TTLL6: variants seen among roughly 807,000 people sequenced by gnomAD.
The protein encoded by TTLL6 is tubulin tyrosine ligase like 6, also known as tubulin polyglutamylase TTLL6.
Under a neutral mutation model 96.4 loss-of-function variants are expected in TTLL6, and 75 were observed. The ratio of observed to expected loss-of-function variants is 0.78; its 90% CI spans 0.65 to 0.94. TTLL6 has a LOEUF of 0.94. Ranked by LOEUF, TTLL6 falls within the 40% of genes least tolerant of loss-of-function variation. TTLL6 has a pLI of 0.00. For missense variants in TTLL6, 1,030 were observed against 1,093.0 expected (o/e 0.94, Z 0.81); for synonymous variants, 411 against 419.4 (o/e 0.98, Z 0.24).
At chr17:48,805,128 C>T (rs2039487966) in intron 1 of TTLL6, 137 bp from the exon 2 acceptor site, 2 of 697,368 alleles carry the variant, frequency 2.9e-6, no homozygotes, top group Non-Finnish European at 4.8e-6. Context: ...ACCCGGCCTC[C>T]GCGGTTTGAT....
At chr17:48,789,116 T>TA (rs5820726) in intron 10 of TTLL6, among the ~76,000 whole-genome samples, 1,774 of 145,632 alleles carry the variant, frequency 0.012, 17 homozygotes, top group African/African-American at 0.022. Context: ...TTCTTTATAG[T>TA]AAAAAAAAAA....
In TTLL6 at chr17:48,789,290, A is replaced by G. The variant is rs1409988797; in HGVS notation, c.1400+641T>C. ...CTATTCAAACTGCTACATTCTGCCA[A>G]TATAAACTCATTTTCCAAATGGGAT... On this transcript the variant is annotated intron_variant, in intron 10 of 15. Coordinates refer to ENST00000393382, the MANE Select transcript of TTLL6 (RefSeq NM_001130918.3). Among the ~76,000 whole-genome samples, 4 of 152,206 alleles carry G rather than the reference A, an allele frequency of 2.6e-5. No homozygotes were observed. The East Asian group carries it at 7.7e-4, about 29-fold the overall frequency.
intron 8 of TTLL6, among the ~76,000 whole-genome samples, chr17:48,791,968 G>C (rs895740822): frequency 1.3e-5 from 2 of 152,166 alleles, no homozygotes; most frequent in African/African-American, 4.8e-5. Context: ...CTCAGCCTTT[G>C]GTGTTCATTA....
chr17:48,803,353 G>A (rs769674722), intron 3 of TTLL6, among the ~76,000 whole-genome samples: 1 of 151,766 alleles, frequency 6.6e-6, no homozygotes, highest in Non-Finnish European at 1.5e-5. Flanking sequence ...AAATTTAGCC[G>A]GGCATGGTGG....
rs1597987839 is a variant in TTLL6 at position 48,794,287 on chromosome 17, A to G, written c.998+1774T>C. On this transcript the variant is annotated intron_variant, in intron 8 of 15. Transcript: ENST00000393382. ...TTGGGGTGCCAATTCTCATTGGAGG[A>G]GGAAAATGAGAACCTTTCCATTCTG... is the stretch of plus-strand genomic sequence containing the variant. The G allele has an allele frequency of 5.0e-5, 81 of 1,613,438 alleles. No homozygotes were observed. The East Asian group carries it at 1.8e-3, about 36-fold the overall frequency.
rs1567713564 is a variant in TTLL6 at position 48,769,008 on chromosome 17, TTTTGGCCAGAGA to T, written c.2645_2656del (p.Ile882_Gln885del). The T allele has an allele frequency of 2.5e-6, 4 of 1,614,090 alleles. No individual in the cohort carries two copies. Among genetic ancestry groups the T allele is most frequent in the Non-Finnish European group, 3.4e-6 (4 of 1,179,950 alleles). ...GCCTACCTAGCTCCTCTCACATCCT[TTTTGGCCAGAGA>T]TCAGGCAATGGCTGTATGCTTCTTG... On this transcript the variant is annotated inframe_deletion, in exon 15 of 16. Transcript: ENST00000393382.
chr17:48,799,959 TG>T, intron 5 of TTLL6, 199 bp from the exon 6 acceptor site: 1 of 577,256 alleles, frequency 1.7e-6, no homozygotes, highest in Non-Finnish European at 3.1e-6. Context: ...AATTCAGGCC[TG>T]GGTTGAAGCC....
At chr17:48,795,778 A>G (rs1328528708) in intron 8 of TTLL6, among the ~76,000 whole-genome samples, 2 of 152,156 alleles carry the variant, frequency 1.3e-5, no homozygotes, top group Non-Finnish European at 2.9e-5. Flanking sequence ...TAATAAGGGT[A>G]TGTTTTGGTG....
chr17:48,783,154 G>A lies in TTLL6; in HGVS notation c.2040+1769C>T, dbSNP rs559851263. The stretch of plus-strand genomic sequence containing the variant: ...TGTGTGTGGGAGGTGGGGCGGGGGT[G>A]ATGGATTGTGAAATAAAGTGGATTT... On this transcript the variant is annotated intron_variant, in intron 13 of 15. Coordinates refer to ENST00000393382, the MANE Select transcript of TTLL6 (RefSeq NM_001130918.3). 2.6e-5 allele frequency among the ~76,000 whole-genome samples: 4 copies of A among 152,280 alleles called. No individual in the cohort carries two copies. The South Asian group carries it at 8.3e-4, about 32-fold the overall frequency.
rs1181180217 is a variant in TTLL6, at chr17:48,797,273, C to T, written c.769-69G>A. On this transcript the variant is annotated intron_variant, in intron 6 of 15. Coordinates refer to ENST00000393382, the MANE Select transcript of TTLL6 (RefSeq NM_001130918.3). ...TTTACACTTGAAAATCACTAGCTCCCGCCTTGTTTCCATGGAGTTGGCTCC... is the reference window on the plus strand; with the variant it reads ...TTTACACTTGAAAATCACTAGCTCCTGCCTTGTTTCCATGGAGTTGGCTCC... 1.0e-5 allele frequency: 15 copies of T among 1,471,490 alleles called. No homozygotes were observed. The East Asian group carries it at 2.5e-4, about 24-fold the overall frequency. 91.2% of individuals were successfully genotyped at this position (1,471,490 alleles called of 1,614,324 possible).
At chr17:48,763,705 A>T (rs1314057514) in intron 15 of TTLL6, among the ~76,000 whole-genome samples, 1 of 152,116 alleles carries the variant, frequency 6.6e-6, no homozygotes, top group Non-Finnish European at 1.5e-5. Flanking sequence ...AGGCTGAGGC[A>T]GGAGAATCAG....
intron 8 of TTLL6, 83 bp downstream of exon 8, chr17:48,795,978 G>T: frequency 2.7e-6 from 3 of 1,121,516 alleles, no homozygotes; most frequent in Non-Finnish European, 3.9e-6. Context: ...CACTGATGGG[G>T]ACTAACAGGG....
intron 15 of TTLL6, among the ~76,000 whole-genome samples, chr17:48,768,293 C>T (rs961899317): frequency 2.6e-5 from 4 of 151,954 alleles, no homozygotes; most frequent in South Asian, 2.1e-4. Flanking sequence ...TTTTTTGAGA[C>T]GGAGTCTCAC....
At chr17:48,768,954 C>T (rs1481518221) in intron 15 of TTLL6, 35 bp downstream of exon 15, 4 of 1,599,578 alleles carry the variant, frequency 2.5e-6, no homozygotes, top group Non-Finnish European at 2.6e-6. Flanking sequence ...CCTGCCAACG[C>T]ACCAAATTCA....
chr17:48,813,213 A>C (rs924859874), intron 1 of TTLL6, among the ~76,000 whole-genome samples: 1 of 152,248 alleles, frequency 6.6e-6, no homozygotes. Context: ...AAACTAAAGT[A>C]ACTGATCTCC....
chr17:48,788,132 T>G, intron 10 of TTLL6, 133 bp from the exon 11 acceptor site: 2 of 777,116 alleles, frequency 2.6e-6, no homozygotes, highest in Non-Finnish European at 4.2e-6. Flanking sequence ...CAGGATTTGC[T>G]AAATAAATGC....
intron 7 of TTLL6, 82 bp downstream of exon 7, chr17:48,796,979 G>C: frequency 1.4e-6 from 2 of 1,412,040 alleles, no homozygotes; most frequent in African/African-American, 1.4e-5. Flanking sequence ...ACAATGTCTT[G>C]AGGATGTGGA....
At chr17:48,779,315 T>C (rs1307813359) in intron 13 of TTLL6, among the ~76,000 whole-genome samples, 1 of 137,218 alleles carries the variant, frequency 7.3e-6, no homozygotes, top group African/African-American at 2.7e-5. Context: ...GACTGTGCTA[T>C]TGCACTCTAG....
At chr17:48,786,017 C>T in intron 12 of TTLL6, 147 bp downstream of exon 12, 2 of 1,216,404 alleles carry the variant, frequency 1.6e-6, no homozygotes, top group Non-Finnish European at 1.1e-6. Context: ...TTCAGGGCTC[C>T]CCGCACCGCC....
Sources: gnomAD v4.1 joint callset for allele counts (sites outside exome capture counted in the v4.1 genomes callset) on GRCh38, gnomAD v4.1.1 for gene constraint, MANE v1.5 for transcripts, NCBI Gene and HGNC (gene_info 2026-07-23, HGNC 2026-07-21) for gene names.